Variants in REC114 observed in about 807,000 individuals in gnomAD.
The protein encoded by REC114 is REC114 meiotic recombination protein.
Under a neutral mutation model 31.3 loss-of-function variants are expected in REC114, and 27 were observed. The ratio of observed to expected loss-of-function variants is 0.86; its 90% CI spans 0.64 to 1.19. The LOEUF (loss-of-function observed/expected upper bound fraction) is 1.19. REC114 is among the 50% of genes most tolerant of loss of function. The pLI is 0.00. For synonymous variants in REC114, 134 were observed against 127.7 expected (o/e 1.05, Z -0.33); for missense variants, 344 against 326.9 (o/e 1.05, Z -0.40).
chr15:73,450,546 A>AC (rs1161335790), intron 1 of REC114, among the ~76,000 whole-genome samples: 2 of 152,168 alleles, frequency 1.3e-5, no homozygotes, highest in Non-Finnish European at 2.9e-5. Context: ...GGAGACTTTA[A>AC]CACCCCACTG....
chr15:73,488,092 T>C (rs1017967657), intron 2 of REC114, among the ~76,000 whole-genome samples: 6 of 152,196 alleles, frequency 3.9e-5, no homozygotes, highest in African/African-American at 1.4e-4. Flanking sequence ...ACCAGAATTC[T>C]GGGAGCAGAG....
intron 2 of REC114, among the ~76,000 whole-genome samples, chr15:73,479,738 G>C (rs995141175): frequency 6.6e-6 from 1 of 152,120 alleles, no homozygotes; most frequent in Non-Finnish European, 1.5e-5. Flanking sequence ...GTTCATCCAT[G>C]TTGTTGAAAA....
chr15:73,479,735 C>T (rs186445618), intron 2 of REC114, among the ~76,000 whole-genome samples: 269 of 152,176 alleles, frequency 1.8e-3, no homozygotes, highest in Non-Finnish European at 7.1e-4. Context: ...CAGGTTCATC[C>T]ATGTTGTTGA....
intron 1 of REC114, among the ~76,000 whole-genome samples, chr15:73,444,915 C>G (rs887903624): frequency 1.3e-4 from 20 of 152,230 alleles, no homozygotes; most frequent in South Asian, 2.1e-4. Flanking sequence ...ACATTCATCT[C>G]TTTGTACATC....
intron 4 of REC114, among the ~76,000 whole-genome samples, chr15:73,554,104 C>T (rs1894428499): frequency 6.6e-6 from 1 of 152,150 alleles, no homozygotes; most frequent in East Asian, 1.9e-4. Flanking sequence ...AATCAGCATC[C>T]TAGTCAATTA....
chr15:73,543,354 C>T (rs767340421), intron 3 of REC114, among the ~76,000 whole-genome samples: 4 of 152,116 alleles, frequency 2.6e-5, no homozygotes, highest in Non-Finnish European at 4.4e-5. Context: ...GTTTTTGAGA[C>T]GGAGTTTCAC....
intron 2 of REC114, among the ~76,000 whole-genome samples, chr15:73,481,201 G>A (rs1235288174): frequency 1.3e-5 from 2 of 152,078 alleles, no homozygotes; most frequent in Non-Finnish European, 2.9e-5. Flanking sequence ...CGTCAACATG[G>A]TTTTGGGCTT....
chr15:73,546,730 C>G (rs531585804), intron 3 of REC114, among the ~76,000 whole-genome samples: 5 of 150,176 alleles, frequency 3.3e-5, no homozygotes, highest in Middle Eastern at 3.5e-3. Context: ...AGGAGAATCG[C>G]TTGAACCCGG....
intron 1 of REC114, among the ~76,000 whole-genome samples, chr15:73,443,802 G>T (rs941861115): frequency 1.3e-5 from 2 of 152,138 alleles, no homozygotes; most frequent in African/African-American, 4.8e-5. Flanking sequence ...GAATCCTCGC[G>T]TTGCCAGTGA....
intron 2 of REC114, among the ~76,000 whole-genome samples, chr15:73,480,155 T>C (rs570109579): frequency 6.6e-6 from 1 of 152,290 alleles, no homozygotes; most frequent in Admixed American, 6.5e-5. Flanking sequence ...AATAATGTCA[T>C]TGTGGTATTA....
intron 4 of REC114, among the ~76,000 whole-genome samples, chr15:73,554,270 A>G (rs1894431765): frequency 6.6e-6 from 1 of 152,128 alleles, no homozygotes; most frequent in African/African-American, 2.4e-5. Flanking sequence ...CTAATGGCAA[A>G]ACATAAGGTT....
chr15:73,459,414 A>G (rs865837540), intron 1 of REC114, among the ~76,000 whole-genome samples: 5 of 151,898 alleles, frequency 3.3e-5, no homozygotes, highest in Middle Eastern at 6.8e-3. Context: ...TGTTTTTTTC[A>G]GTAGAGACGG....
intron 2 of REC114, among the ~76,000 whole-genome samples, chr15:73,531,982 C>T (rs1032304164): frequency 1.4e-5 from 2 of 138,894 alleles, no homozygotes; most frequent in African/African-American, 2.7e-5. Flanking sequence ...GTTCTCCACT[C>T]TTTTTTTTTT....
intron 2 of REC114, among the ~76,000 whole-genome samples, chr15:73,482,915 A>G (rs1346618890): frequency 6.6e-6 from 1 of 151,106 alleles, no homozygotes; most frequent in Non-Finnish European, 1.5e-5. Context: ...TTTTTGAGGA[A>G]CTGCCATACT....
At chr15:73,532,255 A>G (rs1283781724) in intron 2 of REC114, among the ~76,000 whole-genome samples, 3 of 148,966 alleles carry the variant, frequency 2.0e-5, no homozygotes, top group African/African-American at 5.0e-5. Context: ...TGTTCTTGCG[A>G]TAGTTTACTG....
chr15:73,443,762 G>A (rs1047922731), intron 1 of REC114, among the ~76,000 whole-genome samples: 6 of 152,144 alleles, frequency 3.9e-5, no homozygotes, highest in Middle Eastern at 3.2e-3. Context: ...GAGTCATCCC[G>A]TAACCAAGCA....
chr15:73,536,169 G>A (rs1260916588), intron 2 of REC114, among the ~76,000 whole-genome samples: 1 of 152,066 alleles, frequency 6.6e-6, no homozygotes, highest in East Asian at 1.9e-4. Flanking sequence ...AGACAAAATT[G>A]ACAAATGGGA....
intron 2 of REC114, among the ~76,000 whole-genome samples, chr15:73,531,259 G>A (rs1894077560): frequency 6.6e-6 from 1 of 152,098 alleles, no homozygotes; most frequent in Admixed American, 6.5e-5. Flanking sequence ...GACTCAGTAG[G>A]GTTAAGGGCA....
intron 1 of REC114, among the ~76,000 whole-genome samples, chr15:73,450,049 A>G (rs975007696): frequency 6.6e-6 from 1 of 152,260 alleles, no homozygotes; most frequent in Admixed American, 6.5e-5. Flanking sequence ...CAAATTGTAA[A>G]GACCATCGAT....
Sources: gnomAD v4.1 joint callset for allele counts (sites outside exome capture counted in the v4.1 genomes callset) on GRCh38, gnomAD v4.1.1 for gene constraint, MANE v1.5 for transcripts, NCBI Gene and HGNC (gene_info 2026-07-23, HGNC 2026-07-21) for gene names.